PKNOX1: variants seen among roughly 807,000 people sequenced by gnomAD.
PKNOX1 encodes PBX/knotted 1 homeobox 1, also known as homeobox protein PKNOX1.
A neutral mutation model predicts 51.9 loss-of-function variants in PKNOX1; 15 were observed. The observed-to-expected ratio is 0.29, with a 90% CI of 0.19 to 0.45. PKNOX1 has a LOEUF of 0.45. PKNOX1 is among the 20% of genes least tolerant of loss of function. The pLI, the probability that PKNOX1 is intolerant of heterozygous loss-of-function variation, is 1.00. For missense variants in PKNOX1, 462 were observed against 547.5 expected (o/e 0.84, Z 1.56); for synonymous variants, 219 against 211.1 (o/e 1.04, Z -0.32).
Position 43,010,068 on chromosome 21 carries a change from A to G in PKNOX1, c.195A>G (p.Pro65=). 1 of 1,562,138 alleles carries G rather than the reference A, an allele frequency of 6.4e-7. No homozygotes were observed. The highest frequency in any genetic ancestry group is 8.6e-7 in the Non-Finnish European group (1 of 1,158,484). Residue 65 remains proline, a synonymous_variant, in exon 4 of 11, where the codon CCA becomes CCG. Coordinates refer to ENST00000291547, the MANE Select transcript of PKNOX1 (RefSeq NM_004571.5). ...KQAIYRHPLF[P]LLALLFEKCE... is the part of the protein sequence containing the mutation. The stretch of plus-strand genomic sequence containing the variant: ...TTCTCCTCAGGCATCCACTATTTCC[A>G]TTATTAGCTTTGTTGTTTGAAAAAT...
chr21:43,018,751 G>T (rs1393881185), intron 7 of PKNOX1, among the ~76,000 whole-genome samples: 1 of 151,970 alleles, frequency 6.6e-6, no homozygotes, highest in Non-Finnish European at 1.5e-5. Context: ...CTCTGCGGCT[G>T]CTGAGCCTTG....
chr21:43,020,351 T>G (rs900741797), intron 7 of PKNOX1: 1 of 152,336 alleles, frequency 6.6e-6, no homozygotes, highest in African/African-American at 2.4e-5. Context: ...AGTGGCAGCA[T>G]CATCTCAGCA....
intron 2 of PKNOX1, among the ~76,000 whole-genome samples, chr21:43,004,926 C>T (rs1978922967): frequency 6.6e-6 from 1 of 152,194 alleles, no homozygotes; most frequent in African/African-American, 2.4e-5. Flanking sequence ...GTGCCATACA[C>T]GGGCAGCTCT....
intron 2 of PKNOX1, among the ~76,000 whole-genome samples, chr21:43,005,411 T>G (rs377748586): frequency 7.8e-4 from 99 of 126,920 alleles, no homozygotes; most frequent in Admixed American, 5.8e-4. Flanking sequence ...ATTTTTGTTG[T>G]TGGTGGTGGT....
At chr21:43,014,045 A>G (rs1313313116) in intron 5 of PKNOX1, among the ~76,000 whole-genome samples, 2 of 128,700 alleles carry the variant, frequency 1.6e-5, no homozygotes, top group Admixed American at 8.4e-5. Flanking sequence ...TTTTTGAGAC[A>G]GAGTCTCGCT....
Position 43,032,467 on chromosome 21 carries a change from C to T in PKNOX1, c.*2366C>T. 3.6e-6 allele frequency: 1 copy of T among 279,722 alleles called. No individual in the cohort carries two copies. The highest frequency in any genetic ancestry group is 8.7e-5 in the East Asian group (1 of 11,470). The allele number at this position is 279,722 out of a possible 1,614,324, so 17.3% of individuals were successfully genotyped here. A position where few individuals can be genotyped will look rare whatever the true frequency, so the allele number is the denominator to read the frequency against. The stretch of plus-strand genomic sequence containing the variant: ...CAGTGGATTGAATTTAAGAGTGCTG[C>T]CCCTGCCCGGCGCAGTAGGGCGTGC... On this transcript the variant is annotated 3_prime_UTR_variant, in exon 11 of 11. Transcript: ENST00000291547.
chr21:43,000,603 G>C (rs1978708563), intron 1 of PKNOX1, among the ~76,000 whole-genome samples: 1 of 152,262 alleles, frequency 6.6e-6, no homozygotes, highest in African/African-American at 2.4e-5. Flanking sequence ...GATTTGGGTG[G>C]GGACACAGCT....
intron 1 of PKNOX1, among the ~76,000 whole-genome samples, chr21:42,988,641 G>T (rs1468285815): frequency 1.3e-5 from 2 of 152,182 alleles, no homozygotes; most frequent in East Asian, 3.8e-4. Flanking sequence ...GCTGGGACAC[G>T]CTTTGCTGAG....
chr21:42,975,277 T>G (rs995909615), intron 1 of PKNOX1, among the ~76,000 whole-genome samples: 4 of 114,896 alleles, frequency 3.5e-5, no homozygotes, highest in South Asian at 2.7e-4. Flanking sequence ...GGCGAGCGGG[T>G]GGGTCGGGGT....
At chr21:42,995,838 G>A (rs564035661) in intron 1 of PKNOX1, among the ~76,000 whole-genome samples, 2 of 152,232 alleles carry the variant, frequency 1.3e-5, no homozygotes, top group East Asian at 1.9e-4. Context: ...GAAAGCTGTC[G>A]TCATCCTCTA....
intron 1 of PKNOX1, among the ~76,000 whole-genome samples, chr21:43,003,498 C>T (rs577384115): frequency 6.6e-6 from 1 of 152,168 alleles, no homozygotes; most frequent in African/African-American, 2.4e-5. Flanking sequence ...GTTAGCTGTT[C>T]CCTCTCTCTG....
Position 43,016,897 on chromosome 21 carries a change from C to G in PKNOX1, c.523-11C>G, listed in dbSNP as rs199522649. On this transcript the variant is annotated splice_polypyrimidine_tract_variant and intron_variant, in intron 5 of 10. Transcript: ENST00000291547. Reference sequence around the variant, plus strand: ...TAGTAATTCCTTCAACATGTGTGTTCTGACTTGCAGCAGATTCAAAGTGCC... The same window carrying G: ...TAGTAATTCCTTCAACATGTGTGTTGTGACTTGCAGCAGATTCAAAGTGCC... 1.3e-6 allele frequency: 2 copies of G among 1,580,228 alleles called. No homozygotes were observed. Among genetic ancestry groups the G allele is most frequent in the South Asian group, 1.1e-5 (1 of 89,836 alleles).
In PKNOX1 at chr21:43,032,170, T is replaced by A. The variant is rs1980302422; in HGVS notation, c.*2069T>A. On this transcript the variant is annotated 3_prime_UTR_variant, in exon 11 of 11. Coordinates refer to ENST00000291547, the MANE Select transcript of PKNOX1 (RefSeq NM_004571.5). ...CCACCGCGCCCGGCCGAGAATGACA[T>A]CTTAAAGCCACCATTGCGTTCCTCA... 1 of 456,074 alleles carries A rather than the reference T, an allele frequency of 2.2e-6. No homozygotes were observed. Among genetic ancestry groups the A allele is most frequent in the Non-Finnish European group, 4.4e-6 (1 of 226,952 alleles). The allele number at this position is 456,074 out of a possible 1,614,324, so 28.3% of individuals were successfully genotyped here. A position where few individuals can be genotyped will look rare whatever the true frequency, so the allele number is the denominator to read the frequency against.
intron 8 of PKNOX1, among the ~76,000 whole-genome samples, chr21:43,023,803 A>T (rs1326190463): frequency 2.0e-5 from 3 of 151,822 alleles, no homozygotes; most frequent in African/African-American, 4.8e-5. Context: ...TTTAGTAGAG[A>T]TAAGGTTTCA....
At chr21:43,004,769 C>T (rs1268987223) in intron 2 of PKNOX1, among the ~76,000 whole-genome samples, 2 of 152,126 alleles carry the variant, frequency 1.3e-5, no homozygotes, top group Non-Finnish European at 2.9e-5. Flanking sequence ...ACTGGTGGCT[C>T]TTCTGAGTGT....
chr21:43,006,785 G>A (rs991365463), intron 2 of PKNOX1, among the ~76,000 whole-genome samples: 1 of 152,204 alleles, frequency 6.6e-6, no homozygotes, highest in African/African-American at 2.4e-5. Context: ...GGGAGAAATG[G>A]CCCGTCCTGG....
chr21:43,013,330 G>A, intron 5 of PKNOX1, 92 bp downstream of exon 5: 2 of 994,032 alleles, frequency 2.0e-6, no homozygotes, highest in Non-Finnish European at 2.9e-6. Context: ...GAATTCACTG[G>A]GTCATCTTTA....
chr21:42,997,474 G>C (rs1220431713), intron 1 of PKNOX1, among the ~76,000 whole-genome samples: 1 of 152,210 alleles, frequency 6.6e-6, no homozygotes, highest in Non-Finnish European at 1.5e-5. Flanking sequence ...AAGGAGATGT[G>C]GGATGAAGTC....
rs530281629 is a variant in PKNOX1, at chr21:43,009,929, G to A, written c.180-124G>A. The A allele has an allele frequency of 3.3e-5, 17 of 507,940 alleles. No homozygotes were observed. In the South Asian group the frequency reaches 3.6e-4, roughly 11 times the overall value. The allele number at this position is 507,940 out of a possible 1,614,324, so 31.5% of individuals were successfully genotyped here. Reference sequence around the variant, plus strand: ...TTGAATTGCATACTTTCAACGGGTGGACCGTGTGGCGTGTGCATTTTCACC... The same window carrying A: ...TTGAATTGCATACTTTCAACGGGTGAACCGTGTGGCGTGTGCATTTTCACC... On this transcript the variant is annotated intron_variant, in intron 3 of 10. Transcript: ENST00000291547.
Sources: gnomAD v4.1 joint callset for allele counts (sites outside exome capture counted in the v4.1 genomes callset) on GRCh38, gnomAD v4.1.1 for gene constraint, MANE v1.5 for transcripts, NCBI Gene and HGNC (gene_info 2026-07-23, HGNC 2026-07-21) for gene names.